RCSD1: variants seen among roughly 807,000 people sequenced by gnomAD.
The protein encoded by RCSD1 is capZ-interacting protein.
RCSD1 carries 26 observed loss-of-function variants against 42.5 expected under a neutral mutation model. That is an observed-to-expected ratio of 0.61 (90% CI 0.45 to 0.85). The LOEUF (loss-of-function observed/expected upper bound fraction) is 0.85, where lower values mean the gene tolerates loss of function less well. Among genes scored for constraint, RCSD1 ranks in the 40% least tolerant of loss-of-function variants. The pLI is 0.00. For missense variants in RCSD1, 571 were observed against 528.3 expected, an observed-to-expected ratio of 1.08 and a Z score of -0.79; for synonymous variants, 220 against 212.2, an observed-to-expected ratio of 1.04 and a Z score of -0.32.
chr1:167,666,586 G>A (rs757153551), intron 1 of RCSD1, among the ~76,000 whole-genome samples: 2 of 152,106 alleles, frequency 1.3e-5, no homozygotes, highest in African/African-American at 4.8e-5. Context: ...GGACCATGAC[G>A]GAAAGCCCTG....
At chr1:167,644,306 C>G (rs930609782) in intron 1 of RCSD1, among the ~76,000 whole-genome samples, 1 of 152,136 alleles carries the variant, frequency 6.6e-6, no homozygotes, top group Admixed American at 6.5e-5. Flanking sequence ...ATGGAGAAAC[C>G]CTTTCTCTAC....
chr1:167,649,789 ACAGCATT>A (rs1490640576), intron 1 of RCSD1, among the ~76,000 whole-genome samples: 1 of 152,194 alleles, frequency 6.6e-6, no homozygotes, highest in Non-Finnish European at 1.5e-5. Context: ...AAGGGAGAGG[ACAGCATT>A]GTTCCAAGGG....
chr1:167,632,960 C>G (rs1571662805), intron 1 of RCSD1, among the ~76,000 whole-genome samples: 3 of 152,116 alleles, frequency 2.0e-5, no homozygotes, highest in African/African-American at 7.2e-5. Context: ...AGAGTAAAAC[C>G]CTCTTTTGAG....
chr1:167,665,083 A>C (rs981499946), intron 1 of RCSD1: 1 of 151,182 alleles, frequency 6.6e-6, no homozygotes, highest in African/African-American at 2.4e-5. Flanking sequence ...GAGCATTTCT[A>C]TCACCCCAAA....
chr1:167,636,038 C>T (rs1037121932), intron 1 of RCSD1, among the ~76,000 whole-genome samples: 12 of 152,200 alleles, frequency 7.9e-5, no homozygotes, highest in African/African-American at 2.4e-4. Flanking sequence ...AGAGCCAGAC[C>T]CGAATGAACA....
chr1:167,666,770 T>C (rs1289859383), intron 1 of RCSD1, among the ~76,000 whole-genome samples: 1 of 152,230 alleles, frequency 6.6e-6, no homozygotes, highest in Admixed American at 6.5e-5. Context: ...GCTGCTTTGC[T>C]CTGTAAAACC....
chr1:167,682,730 G>C (rs955864747), intron 1 of RCSD1, among the ~76,000 whole-genome samples: 5 of 150,572 alleles, frequency 3.3e-5, no homozygotes, highest in Admixed American at 6.6e-5. Flanking sequence ...TAAGCTCGCT[G>C]CTGGAGGGAA....
At position 167,697,545 on chromosome 1, in the gene RCSD1, G is replaced by A. The variant is rs1659531286; in HGVS notation, c.921G>A (p.Glu307=). 7 of 1,606,756 alleles carry A rather than the reference G, an allele frequency of 4.4e-6. No individual in the cohort carries two copies. The East Asian group carries it at 1.6e-4, about 36-fold the overall frequency. The change falls in exon 6 of 7, where the codon GAG becomes GAA. Residue 307 remains glutamate (E), a synonymous_variant. Coordinates refer to ENST00000367854, the MANE Select transcript of RCSD1 (RefSeq NM_052862.4). The part of the protein sequence containing the change: ...GSPREEKPAG[E]EAEMEKATEV... ...CCAGGGAGGAAAAGCCAGCTGGAGA[G>A]GAAGCAGAGATGGAAAAGGCTACAG...
chr1:167,651,561 A>T (rs1439586545), intron 1 of RCSD1, among the ~76,000 whole-genome samples: 1 of 152,150 alleles, frequency 6.6e-6, no homozygotes, highest in East Asian at 1.9e-4. Context: ...CGCCTTTCTA[A>T]CACAGAGTGC....
intron 1 of RCSD1, among the ~76,000 whole-genome samples, chr1:167,674,008 T>C (rs922920233): frequency 6.6e-6 from 1 of 152,252 alleles, no homozygotes; most frequent in Non-Finnish European, 1.5e-5. Context: ...CCTGTTTTCA[T>C]TCTGATAGTT....
At chr1:167,689,605 A>G (rs897617623) in intron 3 of RCSD1, among the ~76,000 whole-genome samples, 4 of 152,252 alleles carry the variant, frequency 2.6e-5, no homozygotes, top group African/African-American at 9.6e-5. Context: ...TCCAGGGAGG[A>G]ATTCCAGTCA....
intron 1 of RCSD1, among the ~76,000 whole-genome samples, chr1:167,668,016 T>A (rs978922049): frequency 6.6e-6 from 1 of 151,964 alleles, no homozygotes; most frequent in African/African-American, 2.4e-5. Flanking sequence ...TCGGGCCAGG[T>A]GTGATGGCTC....
chr1:167,650,776 G>A (rs1290201227), intron 1 of RCSD1, among the ~76,000 whole-genome samples: 1 of 152,210 alleles, frequency 6.6e-6, no homozygotes, highest in Non-Finnish European at 1.5e-5. Context: ...TAGGGAGAGG[G>A]GTGAGCGGAG....
chr1:167,698,918 G>T (rs1659571700), intron 6 of RCSD1, among the ~76,000 whole-genome samples: 1 of 151,926 alleles, frequency 6.6e-6, no homozygotes, highest in African/African-American at 2.4e-5. Context: ...TCCTGCCTCA[G>T]CCTCCCGAGT....
chr1:167,706,562 A>G lies in RCSD1; in HGVS notation c.*1866A>G, dbSNP rs1659761985. Among the ~76,000 whole-genome samples, 1 of 152,224 alleles carries G rather than the reference A, an allele frequency of 6.6e-6. No individual in the cohort carries two copies. Among genetic ancestry groups the G allele is most frequent in the South Asian group, 2.1e-4 (1 of 4,830 alleles). The stretch of plus-strand genomic sequence containing the variant: ...CATTTTTCTTCTGGAGGGTCTAAAC[A>G]TAGTAGCAGACGAGAGAGGGGCAGT... On this transcript the variant is annotated 3_prime_UTR_variant, in exon 7 of 7. Transcript: ENST00000367854.
intron 1 of RCSD1, among the ~76,000 whole-genome samples, chr1:167,632,647 A>C (rs1311451): frequency 0.77 from 116,859 of 151,766 alleles, 45,410 homozygotes; most frequent in East Asian, 0.84. Context: ...GGGAGGGAAT[A>C]GCTCAGCCAG....
chr1:167,681,049 G>A (rs1364619271), intron 1 of RCSD1, among the ~76,000 whole-genome samples: 1 of 152,200 alleles, frequency 6.6e-6, no homozygotes, highest in African/African-American at 2.4e-5. Flanking sequence ...CAGAAATCCA[G>A]GCAAGGCATC....
chr1:167,664,866 C>T (rs370352935), intron 1 of RCSD1: 3 of 152,178 alleles, frequency 2.0e-5, no homozygotes, highest in African/African-American at 7.2e-5. Flanking sequence ...CTGGAGAAAC[C>T]TTGTCTCTAC....
chr1:167,664,010 C>T (rs1244610231), intron 1 of RCSD1: 1 of 152,224 alleles, frequency 6.6e-6, no homozygotes, highest in African/African-American at 2.4e-5. Flanking sequence ...TAAGATCACA[C>T]ATCTAGTAAA....
Sources: allele counts gnomAD v4.1 joint callset (sites outside exome capture counted in the v4.1 genomes callset), GRCh38; gene constraint gnomAD v4.1.1; transcripts MANE v1.5; gene names NCBI Gene and HGNC (gene_info 2026-07-23, HGNC 2026-07-21).